Variants in EHBP1 observed in about 807,000 individuals in gnomAD.
EHBP1 encodes EH domain-binding protein 1.
Under a neutral mutation model 144.0 loss-of-function variants are expected in EHBP1, and 55 were observed. That is an observed-to-expected ratio of 0.38 (90% confidence interval 0.31 to 0.48). The LOEUF (loss-of-function observed/expected upper bound fraction) is 0.48. Ranked by LOEUF, EHBP1 falls within the 20% of genes least tolerant of loss-of-function variation. The pLI, the probability that EHBP1 is intolerant of heterozygous loss-of-function variation, is 0.98. For missense variants in EHBP1, 1,200 were observed against 1,364.2 expected, an observed-to-expected ratio of 0.88 and a Z score of 1.90; for synonymous variants, 469 against 472.7, an observed-to-expected ratio of 0.99 and a Z score of 0.10.
At chr2:62,789,388 A>G (rs993946492) in intron 5 of EHBP1, among the ~76,000 whole-genome samples, 1 of 152,156 alleles carries the variant, frequency 6.6e-6, no homozygotes, top group African/African-American at 2.4e-5. Flanking sequence ...AAGTTGATAG[A>G]GTTAAGTTTA....
At chr2:62,789,627 T>C (rs2043040226) in intron 5 of EHBP1, among the ~76,000 whole-genome samples, 1 of 152,214 alleles carries the variant, frequency 6.6e-6, no homozygotes, top group South Asian at 2.1e-4. Context: ...AAGATTTCAG[T>C]AACCTTTTAA....
At chr2:62,784,600 A>C (rs1412026889) in intron 5 of EHBP1, among the ~76,000 whole-genome samples, 2 of 152,206 alleles carry the variant, frequency 1.3e-5, no homozygotes, top group Admixed American at 6.5e-5. Context: ...TGCCACATGA[A>C]CTTGAAAGAC....
At chr2:62,923,760 T>C (rs2055276992) in intron 10 of EHBP1, among the ~76,000 whole-genome samples, 1 of 152,166 alleles carries the variant, frequency 6.6e-6, no homozygotes, top group South Asian at 2.1e-4. Context: ...GAAGCAACTT[T>C]GCAGTTCACC....
At chr2:62,699,556 G>T (rs1260679947) in intron 1 of EHBP1, among the ~76,000 whole-genome samples, 1 of 152,186 alleles carries the variant, frequency 6.6e-6, no homozygotes. Flanking sequence ...ATCTTAAGTA[G>T]TTAGAAGGCT....
chr2:62,872,697 A>G (rs2050584708), intron 9 of EHBP1, among the ~76,000 whole-genome samples: 1 of 152,160 alleles, frequency 6.6e-6, no homozygotes. Flanking sequence ...ATCTAATACC[A>G]GGATGTTTTC....
chr2:62,897,112 C>T (rs2053001921), intron 10 of EHBP1, among the ~76,000 whole-genome samples: 1 of 152,204 alleles, frequency 6.6e-6, no homozygotes, highest in Non-Finnish European at 1.5e-5. Flanking sequence ...CTACTATTAG[C>T]TTCTTGTGTA....
chr2:62,870,820 C>G (rs1238768249), intron 9 of EHBP1, among the ~76,000 whole-genome samples: 2 of 147,522 alleles, frequency 1.4e-5, no homozygotes, highest in South Asian at 2.1e-4. Context: ...GACTTGTTTT[C>G]TATTGCTGTG....
chr2:62,710,563 G>A (rs957212842), intron 2 of EHBP1, among the ~76,000 whole-genome samples: 1 of 151,424 alleles, frequency 6.6e-6, no homozygotes, highest in Admixed American at 6.6e-5. Context: ...ACAATCACAT[G>A]GTTCAAAACT....
At chr2:62,918,982 A>G (rs759507286) in intron 10 of EHBP1, among the ~76,000 whole-genome samples, 20 of 152,088 alleles carry the variant, frequency 1.3e-4, no homozygotes, top group African/African-American at 3.1e-4. Flanking sequence ...ATTGTAGTCA[A>G]TTTTGGTCGG....
Position 62,831,055 on chromosome 2 carries a change from T to C in EHBP1, c.531T>C (p.Ser177=). ...EDMQSLASLM[S]MKQADIGNLD... The stretch of plus-strand genomic sequence containing the variant: ...TGCAAAGTTTGGCTAGTTTGATGAG[T>C]ATGAAGCAGGCTGACATTGGCAATT... Residue 177 remains serine, a synonymous_variant, in exon 7 of 23, where the codon AGT becomes AGC. Transcript: ENST00000431489. The C allele has an allele frequency of 6.2e-7, 1 of 1,612,952 alleles. No individual in the cohort carries two copies.
At chr2:62,676,684 G>A (rs2151720145) in intron 1 of EHBP1, among the ~76,000 whole-genome samples, 1 of 152,242 alleles carries the variant, frequency 6.6e-6, no homozygotes, top group Non-Finnish European at 1.5e-5. Context: ...TTGTTTTGCT[G>A]GAAAAGCAGG....
At chr2:62,842,385 C>G (rs1428468290) in intron 7 of EHBP1, among the ~76,000 whole-genome samples, 2 of 152,120 alleles carry the variant, frequency 1.3e-5, no homozygotes, top group African/African-American at 2.4e-5. Flanking sequence ...GCGCCTGGCC[C>G]TTAAAGCCTT....
At chr2:62,743,211 T>C (rs1352737533) in intron 2 of EHBP1, among the ~76,000 whole-genome samples, 2 of 152,152 alleles carry the variant, frequency 1.3e-5, no homozygotes, top group South Asian at 2.1e-4. Context: ...TTCTAGTAAA[T>C]AGACATACTG....
chr2:63,036,434 T>TGGAAGA (rs1013281384), intron 19 of EHBP1, among the ~76,000 whole-genome samples: 7 of 152,074 alleles, frequency 4.6e-5, no homozygotes, highest in African/African-American at 1.2e-4. Context: ...GTGGGGTTGG[T>TGGAAGA]GGAAGAGGGC....
intron 21 of EHBP1, among the ~76,000 whole-genome samples, chr2:63,039,343 T>G (rs1248102501): frequency 6.6e-6 from 1 of 152,322 alleles, no homozygotes; most frequent in Non-Finnish European, 1.5e-5. Context: ...ATAAAGCTTT[T>G]AAATGAATTA....
chr2:62,904,019 T>G (rs2053615714), intron 10 of EHBP1, among the ~76,000 whole-genome samples: 1 of 152,210 alleles, frequency 6.6e-6, no homozygotes, highest in Non-Finnish European at 1.5e-5. Context: ...TTTGGTTTAT[T>G]TTTGCTCTTT....
intron 19 of EHBP1, among the ~76,000 whole-genome samples, chr2:63,012,950 G>A (rs931292764): frequency 6.6e-6 from 1 of 152,002 alleles, no homozygotes; most frequent in Admixed American, 6.6e-5. Flanking sequence ...GCTCTTCAAA[G>A]TGAGTCTTAT....
chr2:62,948,072 A>G (rs1185870302), intron 12 of EHBP1, among the ~76,000 whole-genome samples, 188 bp from the exon 13 acceptor site: 3 of 152,104 alleles, frequency 2.0e-5, no homozygotes, highest in Non-Finnish European at 4.4e-5. Flanking sequence ...ATTCTTATTT[A>G]TTACACTTTT....
intron 7 of EHBP1, among the ~76,000 whole-genome samples, chr2:62,833,367 C>T (rs1344303523): frequency 6.6e-6 from 1 of 152,192 alleles, no homozygotes; most frequent in African/African-American, 2.4e-5. Flanking sequence ...ATGAAGCTGG[C>T]TACATTAAAC....
Sources: gnomAD v4.1 joint callset for allele counts (sites outside exome capture counted in the v4.1 genomes callset) on GRCh38, gnomAD v4.1.1 for gene constraint, MANE v1.5 for transcripts, NCBI Gene and HGNC (gene_info 2026-07-23, HGNC 2026-07-21) for gene names.